ATG10: variants seen among roughly 807,000 people sequenced by gnomAD.
ATG10 encodes ubiquitin-like-conjugating enzyme ATG10.
ATG10 carries 30 observed loss-of-function variants against 32.1 expected under a neutral mutation model. The ratio of observed to expected loss-of-function variants is 0.94; its 90% CI spans 0.70 to 1.27. The LOEUF (loss-of-function observed/expected upper bound fraction) is 1.27, where lower values mean the gene tolerates loss of function less well. Among genes scored for constraint, ATG10 ranks in the 50% most tolerant of loss-of-function variants. ATG10 has a pLI of 0.00. For synonymous variants in ATG10, 87 were observed against 91.5 expected, an observed-to-expected ratio of 0.95 and a Z score of 0.28; for missense variants, 233 against 262.3, an observed-to-expected ratio of 0.89 and a Z score of 0.77.
At chr5:82,203,521 T>C (rs1447750970) in intron 5 of ATG10, among the ~76,000 whole-genome samples, 3 of 152,216 alleles carry the variant, frequency 2.0e-5, no homozygotes, top group Non-Finnish European at 4.4e-5. Context: ...AGAGATAGGC[T>C]GTGGTGGGTT....
At chr5:82,030,390 A>G (rs1762712001) in intron 2 of ATG10, among the ~76,000 whole-genome samples, 1 of 152,248 alleles carries the variant, frequency 6.6e-6, no homozygotes, top group Admixed American at 6.5e-5. Context: ...GATTAGCCAC[A>G]TTTCAAGTGG....
chr5:82,204,022 G>T (rs181227711), intron 5 of ATG10, among the ~76,000 whole-genome samples: 163 of 152,226 alleles, frequency 1.1e-3, no homozygotes, highest in Non-Finnish European at 1.9e-3. Context: ...ATAAACAAAA[G>T]AAGTAAATTA....
At chr5:82,123,582 G>A (rs941402603) in intron 3 of ATG10, among the ~76,000 whole-genome samples, 1 of 151,734 alleles carries the variant, frequency 6.6e-6, no homozygotes, top group Non-Finnish European at 1.5e-5. Flanking sequence ...GTTGACTAAG[G>A]CTTTTTGAAA....
intron 3 of ATG10, among the ~76,000 whole-genome samples, chr5:82,065,630 T>C (rs962537325): frequency 1.3e-5 from 2 of 152,210 alleles, no homozygotes; most frequent in African/African-American, 4.8e-5. Flanking sequence ...ATTTATGATT[T>C]TTTTTGTATT....
At chr5:82,129,205 G>C (rs981186151) in intron 3 of ATG10, among the ~76,000 whole-genome samples, 13 of 151,620 alleles carry the variant, frequency 8.6e-5, no homozygotes, top group African/African-American at 2.9e-4. Context: ...CAGTTCATTT[G>C]GTTTTTCTCT....
At chr5:82,106,943 G>A (rs1173658715) in intron 3 of ATG10, among the ~76,000 whole-genome samples, 2 of 151,928 alleles carry the variant, frequency 1.3e-5, no homozygotes, top group African/African-American at 4.8e-5. Context: ...TATAGAAAAG[G>A]TTCTTTCAGC....
At chr5:81,979,697 T>C (rs184777726) in intron 1 of ATG10, among the ~76,000 whole-genome samples, 93 of 152,070 alleles carry the variant, frequency 6.1e-4, no homozygotes, top group African/African-American at 2.0e-3. Flanking sequence ...ACCTTTTTTT[T>C]TTTTTTTTTG....
chr5:82,145,505 A>G (rs1767314561), intron 3 of ATG10, among the ~76,000 whole-genome samples: 2 of 152,158 alleles, frequency 1.3e-5, no homozygotes, highest in Non-Finnish European at 2.9e-5. Context: ...TATGAAATGT[A>G]GAAACTCTGC....
At chr5:82,227,610 AG>A (rs1362032154) in intron 5 of ATG10, among the ~76,000 whole-genome samples, 2 of 152,086 alleles carry the variant, frequency 1.3e-5, no homozygotes, top group Admixed American at 6.5e-5. Flanking sequence ...TCCCAACCTC[AG>A]GTGATCCGCC....
At chr5:82,059,358 AG>A (rs1763697122) in intron 3 of ATG10, among the ~76,000 whole-genome samples, 1 of 150,852 alleles carries the variant, frequency 6.6e-6, no homozygotes. Context: ...GTAACATTTT[AG>A]TAAGTATCCT....
intron 3 of ATG10, among the ~76,000 whole-genome samples, chr5:82,142,170 G>T (rs1241259818): frequency 6.6e-6 from 1 of 152,144 alleles, no homozygotes; most frequent in African/African-American, 2.4e-5. Context: ...CCAGGTGCCA[G>T]GTGTGGTGTT....
At chr5:82,009,392 G>C (rs997485035) in intron 2 of ATG10, among the ~76,000 whole-genome samples, 2 of 151,204 alleles carry the variant, frequency 1.3e-5, no homozygotes, top group Non-Finnish European at 3.0e-5. Flanking sequence ...TATATTTTTT[G>C]TTATTTAGTT....
At chr5:82,210,806 T>C (rs1478075290) in intron 5 of ATG10, among the ~76,000 whole-genome samples, 1 of 152,060 alleles carries the variant, frequency 6.6e-6, no homozygotes, top group Non-Finnish European at 1.5e-5. Flanking sequence ...GCAAGGAAAA[T>C]AGAGTCCTTA....
At chr5:82,053,449 G>T (rs1763490068) in intron 2 of ATG10, among the ~76,000 whole-genome samples, 1 of 88,104 alleles carries the variant, frequency 1.1e-5, no homozygotes, top group African/African-American at 4.6e-5. Context: ...TATGTCTTTT[G>T]ACTTTATGGT....
chr5:82,059,408 T>G (rs1344807589), intron 3 of ATG10, among the ~76,000 whole-genome samples: 5 of 142,254 alleles, frequency 3.5e-5, no homozygotes, highest in African/African-American at 1.3e-4. Flanking sequence ...ACACACACAC[T>G]TTTTTTTTTT....
chr5:82,170,517 C>T (rs1561338000), intron 4 of ATG10, among the ~76,000 whole-genome samples: 1 of 152,050 alleles, frequency 6.6e-6, no homozygotes, highest in Non-Finnish European at 1.5e-5. Context: ...ATTCAAAGTG[C>T]TGGTATAGAG....
intron 5 of ATG10, among the ~76,000 whole-genome samples, chr5:82,232,603 A>G (rs1581832618): frequency 1.3e-5 from 2 of 152,168 alleles, no homozygotes; most frequent in East Asian, 3.8e-4. Flanking sequence ...ACTTCTAGTC[A>G]CCAATATATC....
intron 5 of ATG10, among the ~76,000 whole-genome samples, chr5:82,244,468 T>G (rs773850418): frequency 1.3e-5 from 2 of 152,146 alleles, no homozygotes. Flanking sequence ...TAGGTGGCCA[T>G]GTAAAGCGCT....
intron 3 of ATG10, chr5:82,147,585 G>A (rs945038159): frequency 6.6e-6 from 1 of 152,172 alleles, no homozygotes; most frequent in Admixed American, 6.5e-5. Flanking sequence ...AGTAGGCAGT[G>A]GCATAGAACT....
Sources: gnomAD v4.1 joint callset for allele counts (sites outside exome capture counted in the v4.1 genomes callset) on GRCh38, gnomAD v4.1.1 for gene constraint, MANE v1.5 for transcripts, NCBI Gene and HGNC (gene_info 2026-07-23, HGNC 2026-07-21) for gene names.